ACVR1: variants seen among roughly 807,000 people sequenced by gnomAD.
The protein encoded by ACVR1 is activin A receptor type 1.
A neutral mutation model predicts 57.1 loss-of-function variants in ACVR1; 38 were observed. The observed-to-expected ratio is 0.67, with a 90% confidence interval of 0.51 to 0.87. ACVR1 has a LOEUF of 0.87. Ranked by LOEUF, ACVR1 falls within the 40% of genes least tolerant of loss-of-function variation. The pLI is 0.00. For synonymous variants in ACVR1, 212 were observed against 228.1 expected (o/e 0.93, Z 0.63); for missense variants, 463 against 638.2 (o/e 0.73, Z 2.96).
At chr2:157,864,946 A>AT (rs78643315) in intron 1 of ACVR1, among the ~76,000 whole-genome samples, 56 of 146,082 alleles carry the variant, frequency 3.8e-4, no homozygotes, top group Middle Eastern at 3.5e-3. Context: ...CACTCACCAT[A>AT]TTTTTTTTTT....
intron 9 of ACVR1, among the ~76,000 whole-genome samples, chr2:157,747,179 C>T (rs994479815): frequency 1.4e-4 from 21 of 152,182 alleles, no homozygotes; most frequent in Non-Finnish European, 1.5e-4. Flanking sequence ...AATATATATT[C>T]TTTTAATGAC....
chr2:157,796,475 G>A lies in ACVR1; in HGVS notation c.67+2952C>T, dbSNP rs143614522. On this transcript the variant is annotated intron_variant, in intron 3 of 10. Transcript: ENST00000434821. ...AGGCTGACGTAGGAGGATCACTTGA[G>A]CCTGGGAGGAGAAGGTTGCAGTGAG... 5.3e-5 allele frequency among the ~76,000 whole-genome samples: 8 copies of A among 152,146 alleles called. No individual in the cohort carries two copies. In the East Asian group the frequency reaches 1.4e-3, roughly 26 times the overall value.
intron 1 of ACVR1, among the ~76,000 whole-genome samples, chr2:157,825,642 C>T (rs980600732): frequency 6.6e-6 from 1 of 152,186 alleles, no homozygotes; most frequent in Non-Finnish European, 1.5e-5. Context: ...GCCTGGTGAT[C>T]TGATGTAAAC....
chr2:157,869,480 T>C (rs1267288028), intron 1 of ACVR1, among the ~76,000 whole-genome samples: 6 of 152,218 alleles, frequency 3.9e-5, no homozygotes, highest in Non-Finnish European at 8.8e-5. Context: ...ATATAAAGAC[T>C]AGAATTTTTA....
At chr2:157,813,889 A>G (rs1687841359) in intron 2 of ACVR1, among the ~76,000 whole-genome samples, 1 of 152,256 alleles carries the variant, frequency 6.6e-6, no homozygotes, top group African/African-American at 2.4e-5. Flanking sequence ...AAAGACTTCA[A>G]TCTAAAAAAA....
chr2:157,869,465 T>C (rs1690045539), intron 1 of ACVR1, among the ~76,000 whole-genome samples: 1 of 152,214 alleles, frequency 6.6e-6, no homozygotes, highest in African/African-American at 2.4e-5. Context: ...TAAAATCAGT[T>C]TAGTATATAA....
chr2:157,768,650 C>T (rs1685962352), intron 7 of ACVR1, among the ~76,000 whole-genome samples: 1 of 152,070 alleles, frequency 6.6e-6, no homozygotes, highest in South Asian at 2.1e-4. Context: ...ATCTCTTAAG[C>T]GTGAATTATA....
At chr2:157,796,513 C>T (rs1687130686) in intron 3 of ACVR1, among the ~76,000 whole-genome samples, 1 of 152,092 alleles carries the variant, frequency 6.6e-6, no homozygotes. Flanking sequence ...GATATCACAC[C>T]ATTGCACCCC....
At chr2:157,875,025 A>C (rs1298949288) in intron 1 of ACVR1, 2 of 152,104 alleles carry the variant, frequency 1.3e-5, no homozygotes, top group Non-Finnish European at 2.9e-5. Flanking sequence ...GTGGGAGACT[A>C]TCTGGCACAA....
Position 157,865,101 on chromosome 2 carries a change from A to G in ACVR1, c.-183+10695T>C, listed in dbSNP as rs1303917428. 3.1e-3 allele frequency among the ~76,000 whole-genome samples: 8 copies of G among 2,596 alleles called. No individual in the cohort carries two copies. In the Non-Finnish European group the frequency reaches 0.073, roughly 24 times the overall value. The allele number at this position is 2,596 out of a possible 152,430, so 1.7% of individuals were successfully genotyped here. A position where few individuals can be genotyped will look rare whatever the true frequency, so the allele number is the denominator to read the frequency against. ...TTTATAGACTCAAACTTACACAGGA[A>G]AAAAAAAAAAAAAAAAATCATAAAG... On this transcript the variant is annotated intron_variant, in intron 1 of 10. Coordinates refer to ENST00000434821, the MANE Select transcript of ACVR1 (RefSeq NM_001111067.4).
chr2:157,819,014 C>G (rs1688051913), intron 1 of ACVR1, among the ~76,000 whole-genome samples: 1 of 125,820 alleles, frequency 7.9e-6, no homozygotes, highest in South Asian at 2.7e-4. Flanking sequence ...GGAGGTGGAG[C>G]TTGCAGTGAG....
At chr2:157,851,884 CA>C (rs1212541493) in intron 1 of ACVR1, among the ~76,000 whole-genome samples, 16 of 3,634 alleles carry the variant, frequency 4.4e-3, no homozygotes, top group Non-Finnish European at 0.016. Context: ...CACACACACA[CA>C]CACACACACA....
chr2:157,766,110 C>A lies in ACVR1; in HGVS notation c.877G>T (p.Asp293Tyr). 1 of 1,614,018 alleles carries A rather than the reference C, an allele frequency of 6.2e-7. No individual in the cohort carries two copies. The highest frequency in any genetic ancestry group is 8.5e-7 in the Non-Finnish European group (1 of 1,179,964). ...TCCAGAGTAGTAAGCTGAAGATAGTCGTACAACGATCCCATTTCATGATAA... is the reference window on the plus strand; with the variant it reads ...TCCAGAGTAGTAAGCTGAAGATAGTAGTACAACGATCCCATTTCATGATAA... ...THYHEMGSLY[D>Y]YLQLTTLDTV... Residue 293 changes from aspartate (D) to tyrosine (Y), a missense_variant, in exon 8 of 11, where the codon GAC becomes TAC. Transcript: ENST00000434821.
intron 8 of ACVR1, among the ~76,000 whole-genome samples, chr2:157,763,382 G>A (rs978614630): frequency 6.6e-5 from 10 of 152,062 alleles, no homozygotes; most frequent in African/African-American, 1.7e-4. Flanking sequence ...CTAGGTGTTC[G>A]GGATTTAAGT....
At chr2:157,869,226 G>A (rs554759149) in intron 1 of ACVR1, among the ~76,000 whole-genome samples, 10 of 152,236 alleles carry the variant, frequency 6.6e-5, no homozygotes, top group Admixed American at 2.0e-4. Context: ...TCCAAATCAC[G>A]TATTACTCAC....
At chr2:157,810,802 G>T (rs1687726066) in intron 2 of ACVR1, among the ~76,000 whole-genome samples, 1 of 152,090 alleles carries the variant, frequency 6.6e-6, no homozygotes, top group Non-Finnish European at 1.5e-5. Context: ...ACACTTTCTA[G>T]AACAGCAACT....
At chr2:157,810,782 C>G (rs1363058492) in intron 2 of ACVR1, among the ~76,000 whole-genome samples, 1 of 152,182 alleles carries the variant, frequency 6.6e-6, no homozygotes, top group Non-Finnish European at 1.5e-5. Flanking sequence ...CCTCTTCATC[C>G]TTTCACCGAA....
At chr2:157,766,278 G>T in intron 7 of ACVR1, 82 bp from the exon 8 acceptor site, 1 of 1,406,024 alleles carries the variant, frequency 7.1e-7, no homozygotes, top group Non-Finnish European at 1.0e-6. Flanking sequence ...GACCTACACA[G>T]TAAATGTCAT....
At chr2:157,821,385 C>T (rs1317421757) in intron 1 of ACVR1, among the ~76,000 whole-genome samples, 4 of 151,924 alleles carry the variant, frequency 2.6e-5, no homozygotes, top group East Asian at 1.9e-4. Context: ...ATTAGCCTGG[C>T]GTGGTGGCAG....
Sources: allele counts gnomAD v4.1 joint callset (sites outside exome capture counted in the v4.1 genomes callset), GRCh38; gene constraint gnomAD v4.1.1; transcripts MANE v1.5; gene names NCBI Gene and HGNC (gene_info 2026-07-23, HGNC 2026-07-21).